The following PDE7B variants were observed in gnomAD, a reference collection of about 807,000 sequenced individuals.
PDE7B encodes the protein phosphodiesterase 7B, also known as 3',5'-cyclic-AMP phosphodiesterase 7B.
In PDE7B, 29 loss-of-function variants were observed where a neutral mutation model predicts 56.2. The ratio of observed to expected loss-of-function variants is 0.52; its 90% confidence interval spans 0.38 to 0.70. PDE7B has a LOEUF of 0.70. Among genes scored for constraint, PDE7B ranks in the 30% least tolerant of loss-of-function variants. The pLI, the probability that PDE7B is intolerant of heterozygous loss-of-function variation, is 0.00. For synonymous variants in PDE7B, 197 were observed against 196.9 expected (o/e 1.00, Z 0.00); for missense variants, 490 against 565.0 (o/e 0.87, Z 1.35).
intron 2 of PDE7B, among the ~76,000 whole-genome samples, chr6:135,978,130 G>A (rs1413506287): frequency 6.6e-6 from 1 of 152,050 alleles, no homozygotes; most frequent in African/African-American, 2.4e-5. Flanking sequence ...AACCTGGATG[G>A]TATAGCCTAC....
intron 2 of PDE7B, among the ~76,000 whole-genome samples, chr6:135,948,843 CTAGATAGATAGATAGATAGATAGA>C (rs35143164): frequency 3.2e-4 from 43 of 132,460 alleles, no homozygotes; most frequent in East Asian, 1.6e-3. Flanking sequence ...ATTTCAGGTA[CTAGATAGATAGATAGATAGATAGA>C]TAGATAGATA....
intron 10 of PDE7B, among the ~76,000 whole-genome samples, chr6:136,180,051 A>C (rs191137099): frequency 6.6e-6 from 1 of 152,300 alleles, no homozygotes; most frequent in East Asian, 1.9e-4. Context: ...GCAAAAAAAC[A>C]TAGTGAATGG....
chr6:136,069,911 C>T (rs1161167760), intron 2 of PDE7B, among the ~76,000 whole-genome samples: 5 of 151,840 alleles, frequency 3.3e-5, no homozygotes, highest in East Asian at 1.9e-4. Context: ...ATCTCTAATC[C>T]GAGTCATCAT....
At chr6:135,928,465 T>TTTATATATA (rs1774231483) in intron 1 of PDE7B, among the ~76,000 whole-genome samples, 12 of 75,568 alleles carry the variant, frequency 1.6e-4, no homozygotes, top group African/African-American at 3.2e-4. Flanking sequence ...ATATATATAT[T>TTTATATATA]TATTTATATA....
rs1284826462 is a variant in PDE7B, at chr6:136,194,573, A to C, written c.*2733A>C. On this transcript the variant is annotated 3_prime_UTR_variant, in exon 13 of 13. Coordinates refer to ENST00000308191, the MANE Select transcript of PDE7B (RefSeq NM_018945.4). The stretch of plus-strand genomic sequence containing the variant: ...TCTTGGCTATTAGTGGCTGTCTTGC[A>C]ATATTTCAATAGGAGTCCAATTACT... 3 of 152,200 alleles carry C rather than the reference A, an allele frequency of 2.0e-5. No individual in the cohort carries two copies. The highest frequency in any genetic ancestry group is 2.9e-5 in the Non-Finnish European group (2 of 68,038). The allele number at this position is 152,200 out of a possible 1,614,324, so 9.4% of individuals were successfully genotyped here.
At chr6:135,920,688 T>C (rs1394156734) in intron 1 of PDE7B, among the ~76,000 whole-genome samples, 1 of 152,224 alleles carries the variant, frequency 6.6e-6, no homozygotes, top group Non-Finnish European at 1.5e-5. Flanking sequence ...TGAAGTTCTC[T>C]TGGAATCTTT....
At chr6:136,005,797 C>T (rs1170853133) in intron 2 of PDE7B, among the ~76,000 whole-genome samples, 9 of 152,216 alleles carry the variant, frequency 5.9e-5, no homozygotes, top group East Asian at 1.9e-4. Context: ...GTCAGTGTGG[C>T]GATTCCTCAG....
intron 2 of PDE7B, among the ~76,000 whole-genome samples, chr6:136,042,181 G>C (rs972340868): frequency 3.3e-5 from 5 of 152,200 alleles, no homozygotes; most frequent in Non-Finnish European, 5.9e-5. Context: ...ATCCCCAACT[G>C]TTATCAATAG....
At chr6:136,180,785 G>A (rs760224188) in intron 10 of PDE7B, among the ~76,000 whole-genome samples, 4 of 152,252 alleles carry the variant, frequency 2.6e-5, no homozygotes, top group Admixed American at 6.5e-5. Context: ...GCTTACACAT[G>A]CAGACATAAA....
At chr6:136,161,300 T>G (rs145073123) in intron 8 of PDE7B, among the ~76,000 whole-genome samples, 2 of 152,342 alleles carry the variant, frequency 1.3e-5, no homozygotes, top group East Asian at 3.9e-4. Flanking sequence ...GAATCGCTAT[T>G]GCCTGATTAG....
chr6:136,119,462 GA>G, intron 3 of PDE7B, among the ~76,000 whole-genome samples: 1 of 152,272 alleles, frequency 6.6e-6, no homozygotes, highest in South Asian at 2.1e-4. Context: ...TCAAGATGCA[GA>G]AAATGAAATT....
intron 1 of PDE7B, among the ~76,000 whole-genome samples, chr6:135,926,008 A>G (rs1451920165): frequency 6.9e-6 from 1 of 145,046 alleles, no homozygotes; most frequent in Non-Finnish European, 1.5e-5. Flanking sequence ...TGGTTATATA[A>G]GTTTTACATG....
In PDE7B at chr6:136,174,122, A is replaced by G. The variant is rs570878222; in HGVS notation, c.803+234A>G. On this transcript the variant is annotated intron_variant, in intron 9 of 12. Transcript: ENST00000308191. The stretch of plus-strand genomic sequence containing the variant: ...GCAGAGTCAATGACCTACAGTCAGG[A>G]AAAGGGATAATAAACAGCTCTCAGT... 1.1e-4 allele frequency among the ~76,000 whole-genome samples: 16 copies of G among 152,236 alleles called. No homozygotes were observed. In the East Asian group the frequency reaches 2.7e-3, roughly 26 times the overall value.
At chr6:136,048,173 A>G (rs1776552301) in intron 2 of PDE7B, among the ~76,000 whole-genome samples, 1 of 152,220 alleles carries the variant, frequency 6.6e-6, no homozygotes, top group African/African-American at 2.4e-5. Context: ...CCAATTGCCA[A>G]CACATAAGAC....
chr6:135,936,036 C>T (rs1311229230), intron 1 of PDE7B, among the ~76,000 whole-genome samples: 2 of 152,164 alleles, frequency 1.3e-5, no homozygotes, highest in Non-Finnish European at 2.9e-5. Context: ...AGAGGCTCTG[C>T]GTTTGCATGT....
intron 2 of PDE7B, among the ~76,000 whole-genome samples, chr6:135,949,824 T>C (rs1045063217): frequency 2.6e-5 from 4 of 152,162 alleles, no homozygotes; most frequent in Non-Finnish European, 5.9e-5. Flanking sequence ...GTATACATTT[T>C]ACCTTTAAGA....
At chr6:136,166,140 C>G (rs1235893227) in intron 8 of PDE7B, among the ~76,000 whole-genome samples, 1 of 151,984 alleles carries the variant, frequency 6.6e-6, no homozygotes, top group African/African-American at 2.4e-5. Context: ...CTAATGGCAC[C>G]TCAAACTCCA....
chr6:135,998,782 A>G (rs1199611384), intron 2 of PDE7B, among the ~76,000 whole-genome samples: 1 of 94,962 alleles, frequency 1.1e-5, no homozygotes, highest in Non-Finnish European at 2.8e-5. Flanking sequence ...AAAAATAAAC[A>G]AAAAAAAAAC....
chr6:135,931,228 C>G (rs1164477450), intron 1 of PDE7B, among the ~76,000 whole-genome samples: 1 of 152,266 alleles, frequency 6.6e-6, no homozygotes. Flanking sequence ...TGATTTTAAA[C>G]CTTTACATGA....
Sources: allele counts gnomAD v4.1 joint callset (sites outside exome capture counted in the v4.1 genomes callset), GRCh38; gene constraint gnomAD v4.1.1; transcripts MANE v1.5; gene names NCBI Gene and HGNC (gene_info 2026-07-23, HGNC 2026-07-21).